Variants in JAKMIP3 observed in about 807,000 individuals in gnomAD.
The protein encoded by JAKMIP3 is janus kinase and microtubule-interacting protein 3.
In JAKMIP3, 58 loss-of-function variants were observed where a neutral mutation model predicts 118.5. That is an observed-to-expected ratio of 0.49 (90% CI 0.40 to 0.61). The LOEUF (loss-of-function observed/expected upper bound fraction) is 0.61. JAKMIP3 is among the 20% of genes least tolerant of loss of function. The pLI is 0.00. For missense variants in JAKMIP3, 950 were observed against 1,109.0 expected (o/e 0.86, Z 2.04); for synonymous variants, 486 against 451.2 (o/e 1.08, Z -0.98).
intron 9 of JAKMIP3, 112 bp from the exon 10 acceptor site, chr10:132,140,339 T>C (rs2053232127): frequency 1.4e-6 from 2 of 1,436,270 alleles, no homozygotes; most frequent in Non-Finnish European, 1.9e-6. Context: ...GATGGGAGTG[T>C]GTCGCAGGGT....
At chr10:132,107,227 T>C (rs983227886) in intron 2 of JAKMIP3, among the ~76,000 whole-genome samples, 4 of 152,206 alleles carry the variant, frequency 2.6e-5, no homozygotes, top group African/African-American at 9.6e-5. Flanking sequence ...ACACCACATG[T>C]GGACATCCCC....
intron 8 of JAKMIP3, 24 bp downstream of exon 8, chr10:132,137,313 C>T: frequency 6.2e-7 from 1 of 1,613,460 alleles, no homozygotes; most frequent in Non-Finnish European, 8.5e-7. Flanking sequence ...GCGCCCGCTT[C>T]CCCACGCCTC....
In JAKMIP3 at chr10:132,183,849, G is replaced by A. The variant is rs2061662129; in HGVS notation, c.*2596G>A. On this transcript the variant is annotated 3_prime_UTR_variant, in exon 24 of 24. Coordinates refer to ENST00000684848, the MANE Select transcript of JAKMIP3 (RefSeq NM_001323087.2). ...TCACTGACTCCTCCTGGTCCAGTGAGCAGCAGCAGAATTCAAGTATTTAAA... is the reference window on the plus strand; with the variant it reads ...TCACTGACTCCTCCTGGTCCAGTGAACAGCAGCAGAATTCAAGTATTTAAA... 1 of 152,214 alleles carries A rather than the reference G, an allele frequency of 6.6e-6. No homozygotes were observed. The highest frequency in any genetic ancestry group is 1.5e-5 in the Non-Finnish European group (1 of 68,042). The allele number at this position is 152,214 out of a possible 1,614,324, so 9.4% of individuals were successfully genotyped here. A position where few individuals can be genotyped will look rare whatever the true frequency, so the allele number is the denominator to read the frequency against.
Position 132,103,363 on chromosome 10 carries a change from T to A in JAKMIP3, c.-137-1309T>A, listed in dbSNP as rs1251233513. Among the ~76,000 whole-genome samples, 3 of 142,286 alleles carry A rather than the reference T, an allele frequency of 2.1e-5. No individual in the cohort carries two copies. In the Admixed American group the frequency reaches 2.2e-4, roughly 11 times the overall value. The allele number at this position is 142,286 out of a possible 152,430, so 93.3% of individuals were successfully genotyped here. On this transcript the variant is annotated intron_variant, in intron 1 of 23. Transcript: ENST00000684848. ...GAGAAGCAGCTGCTGGAGAGGAACA[T>A]CAGGGGGAGAGAGGAACATCAGAGA...
At chr10:132,161,009 C>T (rs1158864071) in intron 19 of JAKMIP3, among the ~76,000 whole-genome samples, 1 of 30,850 alleles carries the variant, frequency 3.2e-5, no homozygotes, top group African/African-American at 1.7e-4. Flanking sequence ...GGGGGCCTCT[C>T]ACTGTGTGAT....
upstream of JAKMIP3, among the ~76,000 whole-genome samples, chr10:132,064,429 GCGT>G (rs1430655863): frequency 2.6e-5 from 4 of 152,150 alleles, no homozygotes; most frequent in Non-Finnish European, 5.9e-5. This position sits in a 1 kb window ranked among gnomAD's most constrained non-coding sequence, Gnocchi z 4.4. Context: ...TCGGGGTCGG[GCGT>G]GGACCCCGAG....
intron 2 of JAKMIP3, among the ~76,000 whole-genome samples, chr10:132,109,966 A>G (rs1226229867): frequency 6.6e-6 from 1 of 152,216 alleles, no homozygotes; most frequent in Admixed American, 6.5e-5. Flanking sequence ...GTCCGTGCCA[A>G]AAGTAATATC....
intron 1 of JAKMIP3, among the ~76,000 whole-genome samples, chr10:132,071,183 G>GTA (rs1302973199): frequency 7.3e-6 from 1 of 136,728 alleles, no homozygotes; most frequent in Non-Finnish European, 1.6e-5. Context: ...GTGTGTGTGT[G>GTA]TGTGTGTGTT....
chr10:132,133,559 C>T (rs1010735019), intron 4 of JAKMIP3, 32 bp downstream of exon 4: 35 of 1,536,038 alleles, frequency 2.3e-5, no homozygotes, highest in Admixed American at 1.4e-4. Context: ...CGGCCCACCC[C>T]GTGTCACAGA....
chr10:132,082,670 G>A (rs1043383418), intron 1 of JAKMIP3, among the ~76,000 whole-genome samples: 2 of 151,892 alleles, frequency 1.3e-5, no homozygotes, highest in African/African-American at 4.8e-5. Context: ...GAGTGCAATG[G>A]TGCAATCTAG....
Position 132,172,984 on chromosome 10 carries a change from TCTCTCTCTCTCCTTCC to T in JAKMIP3, c.*1103+3963_*1103+3978del, listed in dbSNP as rs2059669029. ...CTCCTTCCCTCTCTCTCCTTCCCTCTCTCTCTCTCTCCTTCCCTCTCTCTCTCTCTCCCTCTCTCTC... is the reference window on the plus strand; with the variant it reads ...CTCCTTCCCTCTCTCTCCTTCCCTCTCTCTCTCTCTCTCTCCCTCTCTCTC... On this transcript the variant is annotated intron_variant, in intron 23 of 23. Transcript: ENST00000684848. Among the ~76,000 whole-genome samples, 2 of 78,878 alleles carry T rather than the reference TCTCTCTCTCTCCTTCC, an allele frequency of 2.5e-5. 1 individual carries two copies. The highest frequency in any genetic ancestry group is 5.5e-5 in the Non-Finnish European group (2 of 36,334). 51.7% of individuals were successfully genotyped at this position (78,878 alleles called of 152,430 possible). A position where few individuals can be genotyped will look rare whatever the true frequency, so the allele number is the denominator to read the frequency against.
intron 3 of JAKMIP3, among the ~76,000 whole-genome samples, chr10:132,129,688 C>T (rs888272666): frequency 5.9e-5 from 9 of 152,114 alleles, no homozygotes; most frequent in South Asian, 2.1e-4. Flanking sequence ...CTGTGGACAG[C>T]GGTCGCAGGG....
chr10:132,180,546 C>CGTGTGTGCGTGT (rs1272765694), intron 23 of JAKMIP3, among the ~76,000 whole-genome samples: 1 of 15,966 alleles, frequency 6.3e-5, no homozygotes, highest in Non-Finnish European at 1.1e-4. Context: ...TGTGTGTGTG[C>CGTGTGTGCGTGT]GTGCGTGCAT....
At chr10:132,119,559 A>G (rs771630060) in intron 3 of JAKMIP3, among the ~76,000 whole-genome samples, 2 of 152,048 alleles carry the variant, frequency 1.3e-5, no homozygotes, top group Admixed American at 6.5e-5. Flanking sequence ...CTGGTGTCTC[A>G]TTGTCAGTCC....
At chr10:132,124,905 AAG>A (rs1168004609) in intron 3 of JAKMIP3, among the ~76,000 whole-genome samples, 6 of 152,216 alleles carry the variant, frequency 3.9e-5, no homozygotes, top group Non-Finnish European at 8.8e-5. Flanking sequence ...AGCGGCAAGA[AAG>A]AGGCTGGCCG....
chr10:132,158,512 G>A (rs1185257354), intron 19 of JAKMIP3, among the ~76,000 whole-genome samples: 1 of 152,234 alleles, frequency 6.6e-6, no homozygotes, highest in Non-Finnish European at 1.5e-5. Context: ...AACTGCTCAG[G>A]GGATCATTCA....
intron 1 of JAKMIP3, among the ~76,000 whole-genome samples, chr10:132,071,160 AGTGTGTGTGTGTGTGT>A (rs3068079): frequency 1.3e-5 from 2 of 149,044 alleles, no homozygotes; most frequent in South Asian, 2.2e-4. Flanking sequence ...GTCATTTAAA[AGTGTGTGTGTGTGTGT>A]GTGTGTGTGT....
At chr10:132,125,658 G>A (rs560987358) in intron 3 of JAKMIP3, among the ~76,000 whole-genome samples, 1 of 152,332 alleles carries the variant, frequency 6.6e-6, no homozygotes, top group South Asian at 2.1e-4. Flanking sequence ...TCTCAGCCAT[G>A]TTTTGTAAAT....
intron 23 of JAKMIP3, among the ~76,000 whole-genome samples, chr10:132,174,444 G>C (rs547654324): frequency 2.6e-5 from 4 of 151,968 alleles, no homozygotes; most frequent in Non-Finnish European, 4.4e-5. Flanking sequence ...CGTGGGCTCT[G>C]TGGGCTCCGT....
Sources: gnomAD v4.1 joint callset for allele counts (sites outside exome capture counted in the v4.1 genomes callset) on GRCh38, gnomAD v4.1.1 for gene constraint, Gnocchi (gnomAD v3.1) non-coding constraint, MANE v1.5 for transcripts, NCBI Gene and HGNC (gene_info 2026-07-23, HGNC 2026-07-21) for gene names.